The following RBPJ variants were observed in gnomAD, a reference collection of about 807,000 sequenced individuals.
The protein encoded by RBPJ is recombination signal binding protein for immunoglobulin kappa J region, also known as recombining binding protein suppressor of hairless.
RBPJ carries 9 observed loss-of-function variants against 67.8 expected under a neutral mutation model. The observed-to-expected ratio is 0.13, with a 90% CI of 0.08 to 0.23. The LOEUF (loss-of-function observed/expected upper bound fraction) is 0.23, where lower values mean the gene tolerates loss of function less well. Ranked by LOEUF, RBPJ falls within the 10% of genes least tolerant of loss-of-function variation. RBPJ has a pLI of 1.00. For missense variants in RBPJ, 305 were observed against 595.6 expected, an observed-to-expected ratio of 0.51 and a Z score of 5.08; for synonymous variants, 198 against 203.3, an observed-to-expected ratio of 0.97 and a Z score of 0.22.
chr4:26,284,026 C>T (rs890973652), intron 1 of RBPJ, among the ~76,000 whole-genome samples: 1 of 152,118 alleles, frequency 6.6e-6, no homozygotes, highest in Non-Finnish European at 1.5e-5. Context: ...AGGTCAATAA[C>T]CCCCAAGTTT....
chr4:26,367,616 G>A (rs1208875599), intron 1 of RBPJ, among the ~76,000 whole-genome samples: 1 of 152,224 alleles, frequency 6.6e-6, no homozygotes, highest in East Asian at 1.9e-4. Flanking sequence ...TACAAATATT[G>A]AAGGCAGTTA....
Position 26,223,561 on chromosome 4 carries a change from C to T in RBPJ, c.-167+59947C>T, listed in dbSNP as rs188226212. Among the ~76,000 whole-genome samples, 6 of 152,266 alleles carry T rather than the reference C, an allele frequency of 3.9e-5. No homozygotes were observed. In the East Asian group the frequency reaches 1.2e-3, roughly 29 times the overall value. ...ATGTCCTAATACAGCAAGCCAGAAG[C>T]AGAGAAGAGTGAAGATTCAGAGAGG... On this transcript the variant is annotated intron_variant, in intron 1 of 4. Coordinates refer to the RBPJ transcript ENST00000512351.
intron 1 of RBPJ, among the ~76,000 whole-genome samples, chr4:26,253,907 T>C (rs1720204458): frequency 6.7e-6 from 1 of 149,188 alleles, no homozygotes; most frequent in Non-Finnish European, 1.5e-5. Context: ...ACAAATAGCC[T>C]GTGTCAAGCA....
chr4:26,168,878 C>T (rs1425810657), intron 1 of RBPJ, among the ~76,000 whole-genome samples: 2 of 152,120 alleles, frequency 1.3e-5, no homozygotes, highest in Non-Finnish European at 2.9e-5. Flanking sequence ...CCTGAGGCTT[C>T]TGCATTCTTC....
At chr4:26,403,992 G>A (rs757311486) in intron 2 of RBPJ, among the ~76,000 whole-genome samples, 4 of 152,004 alleles carry the variant, frequency 2.6e-5, no homozygotes, top group Non-Finnish European at 4.4e-5. Context: ...ACTAATTTAC[G>A]CTACCACCAA....
intron 1 of RBPJ, among the ~76,000 whole-genome samples, chr4:26,173,262 A>C (rs1192733200): frequency 6.6e-6 from 1 of 152,122 alleles, no homozygotes; most frequent in Non-Finnish European, 1.5e-5. Flanking sequence ...CAGCCTCCCG[A>C]ATAGCTGGGA....
chr4:26,240,495 A>G (rs1464475740), intron 1 of RBPJ, among the ~76,000 whole-genome samples: 1 of 152,124 alleles, frequency 6.6e-6, no homozygotes, highest in Non-Finnish European at 1.5e-5. Context: ...TGCCAGATGT[A>G]GGATTAGAGG....
chr4:26,361,785 C>G (rs1728089163), intron 1 of RBPJ, among the ~76,000 whole-genome samples: 1 of 152,134 alleles, frequency 6.6e-6, no homozygotes, highest in Middle Eastern at 3.2e-3. Context: ...ACATACACTT[C>G]TTACTATACC....
intron 1 of RBPJ, among the ~76,000 whole-genome samples, chr4:26,271,776 T>C (rs1481348502): frequency 6.6e-6 from 1 of 152,194 alleles, no homozygotes; most frequent in Non-Finnish European, 1.5e-5. Context: ...GCCAGATTTA[T>C]CAACTTTGAA....
At chr4:26,288,350 C>A (rs1334715638) in intron 1 of RBPJ, among the ~76,000 whole-genome samples, 1 of 152,198 alleles carries the variant, frequency 6.6e-6, no homozygotes, top group African/African-American at 2.4e-5. Flanking sequence ...GCTCTCATGG[C>A]CGATGGCAGA....
chr4:26,375,459 A>G (rs1482413001), intron 1 of RBPJ, among the ~76,000 whole-genome samples: 1 of 152,174 alleles, frequency 6.6e-6, no homozygotes, highest in Non-Finnish European at 1.5e-5. Flanking sequence ...TGTGGTACCT[A>G]ACACCTAATG....
At chr4:26,358,150 A>C (rs986972684) in intron 1 of RBPJ, among the ~76,000 whole-genome samples, 1 of 152,000 alleles carries the variant, frequency 6.6e-6, no homozygotes, top group African/African-American at 2.4e-5. Context: ...TCTTATATAG[A>C]TCCATTGTTA....
At chr4:26,216,309 G>A (rs925449135) in intron 1 of RBPJ, among the ~76,000 whole-genome samples, 27 of 152,082 alleles carry the variant, frequency 1.8e-4, no homozygotes, top group African/African-American at 6.3e-4. Context: ...ATTTGGGAAG[G>A]GGGCCACCAT....
At chr4:26,314,525 CTT>C (rs1332129550) in intron 1 of RBPJ, among the ~76,000 whole-genome samples, 18 of 152,044 alleles carry the variant, frequency 1.2e-4, no homozygotes, top group African/African-American at 4.3e-4. Context: ...GGTGGATTTT[CTT>C]CTTGGTGCTG....
chr4:26,171,714 A>G (rs925651527), intron 1 of RBPJ, among the ~76,000 whole-genome samples: 8 of 152,218 alleles, frequency 5.3e-5, no homozygotes, highest in Admixed American at 4.6e-4. Flanking sequence ...TGGGTCCTTT[A>G]TTAGAGCATC....
chr4:26,390,811 T>G (rs542894463), intron 2 of RBPJ, among the ~76,000 whole-genome samples: 1 of 152,176 alleles, frequency 6.6e-6, no homozygotes, highest in Admixed American at 6.5e-5. Flanking sequence ...TCCCAGTACA[T>G]TGAAAGGCCA....
At chr4:26,345,937 T>C (rs1726088688) in intron 1 of RBPJ, among the ~76,000 whole-genome samples, 1 of 152,222 alleles carries the variant, frequency 6.6e-6, no homozygotes, top group Admixed American at 6.5e-5. Flanking sequence ...AGCTCTATAA[T>C]GAAGCTTTTT....
At chr4:26,230,189 T>TAA (rs76427821) in intron 1 of RBPJ, among the ~76,000 whole-genome samples, 223 of 138,454 alleles carry the variant, frequency 1.6e-3, no homozygotes, top group African/African-American at 5.5e-3. Context: ...GACCCTATCT[T>TAA]AAAAAAAAAA....
chr4:26,113,055 T>C, the RBPJ span: 2 of 166,002 alleles, frequency 1.2e-5, no homozygotes, highest in African/African-American at 4.8e-5. Context: ...GCCCAACCTA[T>C]AAGGGAGAAT....
Sources: gnomAD v4.1 joint callset for allele counts (sites outside exome capture counted in the v4.1 genomes callset) on GRCh38, gnomAD v4.1.1 for gene constraint, MANE v1.5 for transcripts, NCBI Gene and HGNC (gene_info 2026-07-23, HGNC 2026-07-21) for gene names.